The following KCNH8 variants were observed in gnomAD, a reference collection of about 807,000 sequenced individuals.
The protein encoded by KCNH8 is potassium voltage-gated channel subfamily H member 8.
In KCNH8, 70 loss-of-function variants were observed where a neutral mutation model predicts 103.6. The ratio of observed to expected loss-of-function variants is 0.68; its 90% CI spans 0.56 to 0.82. KCNH8 has a LOEUF of 0.82. KCNH8 is among the 40% of genes least tolerant of loss of function. KCNH8 has a pLI of 0.00. For missense variants in KCNH8, 1,217 were observed against 1,329.9 expected (o/e 0.92, Z 1.32); for synonymous variants, 498 against 489.4 (o/e 1.02, Z -0.23).
intron 11 of KCNH8, among the ~76,000 whole-genome samples, chr3:19,492,447 T>G: frequency 6.6e-6 from 1 of 152,192 alleles, no homozygotes; most frequent in Non-Finnish European, 1.5e-5. Context: ...TTCCCATTAC[T>G]TATGTTTGTC....
intron 3 of KCNH8, among the ~76,000 whole-genome samples, chr3:19,329,909 T>A (rs2065481512): frequency 6.6e-6 from 1 of 151,980 alleles, no homozygotes. Context: ...TGTTTCTGAT[T>A]GGCTTTTAGC....
intron 1 of KCNH8, among the ~76,000 whole-genome samples, chr3:19,164,517 A>G (rs2063263445): frequency 6.6e-6 from 1 of 152,234 alleles, no homozygotes; most frequent in Non-Finnish European, 1.5e-5. Flanking sequence ...AAGGTTTAAT[A>G]AATTGTCAAA....
chr3:19,502,528 C>G (rs900675030), intron 11 of KCNH8, among the ~76,000 whole-genome samples: 1 of 152,178 alleles, frequency 6.6e-6, no homozygotes, highest in Non-Finnish European at 1.5e-5. Flanking sequence ...AACTATACTA[C>G]AAGGCTACAG....
chr3:19,236,161 T>C (rs2064062098), intron 1 of KCNH8, among the ~76,000 whole-genome samples: 1 of 152,178 alleles, frequency 6.6e-6, no homozygotes, highest in Non-Finnish European at 1.5e-5. Context: ...ACAGTACCAA[T>C]AAGCAGTGCA....
intron 3 of KCNH8, among the ~76,000 whole-genome samples, chr3:19,320,033 A>G (rs1419696568): frequency 6.6e-6 from 1 of 151,874 alleles, no homozygotes; most frequent in African/African-American, 2.4e-5. Flanking sequence ...TACTGAATTC[A>G]TTTACCTGTT....
intron 8 of KCNH8, among the ~76,000 whole-genome samples, chr3:19,443,904 A>G (rs1336054867): frequency 6.6e-6 from 1 of 152,076 alleles, no homozygotes; most frequent in East Asian, 1.9e-4. Flanking sequence ...AAGGATGTAC[A>G]ATGGTGATGG....
At chr3:19,317,957 T>C (rs1186987562) in intron 3 of KCNH8, among the ~76,000 whole-genome samples, 2 of 151,860 alleles carry the variant, frequency 1.3e-5, no homozygotes, top group African/African-American at 4.8e-5. Flanking sequence ...TTCAACACAG[T>C]ATTAGAAGTT....
intron 3 of KCNH8, among the ~76,000 whole-genome samples, chr3:19,328,221 A>T (rs1205021706): frequency 6.6e-6 from 1 of 152,172 alleles, no homozygotes; most frequent in East Asian, 1.9e-4. Context: ...TGAGTTTGCC[A>T]TGTTATTGCT....
At chr3:19,375,950 G>T (rs557897734) in intron 5 of KCNH8, among the ~76,000 whole-genome samples, 1 of 152,294 alleles carries the variant, frequency 6.6e-6, no homozygotes, top group African/African-American at 2.4e-5. Context: ...GAGGCAGTCT[G>T]CCCGTTCTCA....
At chr3:19,243,696 G>T (rs1022693701) in intron 1 of KCNH8, among the ~76,000 whole-genome samples, 1 of 152,154 alleles carries the variant, frequency 6.6e-6, no homozygotes, top group African/African-American at 2.4e-5. Context: ...AAATTTAAAA[G>T]ACCTATCAGT....
chr3:19,225,874 A>C (rs1235986677), intron 1 of KCNH8, among the ~76,000 whole-genome samples: 1 of 152,242 alleles, frequency 6.6e-6, no homozygotes, highest in African/African-American at 2.4e-5. Context: ...ATTTTCCTCC[A>C]TAAGCTATTT....
At chr3:19,260,967 C>CATATAT (rs138181171) in intron 2 of KCNH8, among the ~76,000 whole-genome samples, 1,720 of 132,086 alleles carry the variant, frequency 0.013, 35 homozygotes, top group East Asian at 0.053. Flanking sequence ...GAATAATATT[C>CATATAT]ATATATATAT....
chr3:19,465,918 T>G (rs2067725382), intron 11 of KCNH8, among the ~76,000 whole-genome samples: 1 of 152,000 alleles, frequency 6.6e-6, no homozygotes, highest in African/African-American at 2.4e-5. Context: ...ATATAAGAAG[T>G]TGCTTCTTTA....
intron 3 of KCNH8, among the ~76,000 whole-genome samples, chr3:19,311,837 C>A (rs1258070481): frequency 6.6e-6 from 1 of 151,896 alleles, no homozygotes. Flanking sequence ...ATCCTTGGAG[C>A]CTTTCTGAGA....
intron 5 of KCNH8, among the ~76,000 whole-genome samples, chr3:19,383,552 T>A (rs2066315948): frequency 6.6e-6 from 1 of 152,126 alleles, no homozygotes; most frequent in South Asian, 2.1e-4. Context: ...ATGTATTTTT[T>A]AATAGAGACG....
At chr3:19,505,212 C>A (rs2068668928) in intron 11 of KCNH8, among the ~76,000 whole-genome samples, 1 of 151,698 alleles carries the variant, frequency 6.6e-6, no homozygotes. Flanking sequence ...GAACAGAAAA[C>A]CAAATGCCAC....
At chr3:19,340,994 C>G (rs922657956) in intron 3 of KCNH8, among the ~76,000 whole-genome samples, 1 of 152,154 alleles carries the variant, frequency 6.6e-6, no homozygotes, top group African/African-American at 2.4e-5. Flanking sequence ...AAGCATGTGA[C>G]TTGAGAGATC....
intron 8 of KCNH8, among the ~76,000 whole-genome samples, chr3:19,447,007 A>C (rs571604358): frequency 1.2e-4 from 19 of 152,096 alleles, no homozygotes; most frequent in African/African-American, 4.3e-4. Context: ...CCAACACACA[A>C]AAAAAGAGAC....
chr3:19,322,267 A>C (rs1017108003), intron 3 of KCNH8, among the ~76,000 whole-genome samples: 1 of 151,146 alleles, frequency 6.6e-6, no homozygotes, highest in Non-Finnish European at 1.5e-5. Context: ...TCATTCTGTT[A>C]TTGTTTTATA....
Sources: gnomAD v4.1 joint callset for allele counts (sites outside exome capture counted in the v4.1 genomes callset) on GRCh38, gnomAD v4.1.1 for gene constraint, MANE v1.5 for transcripts, NCBI Gene and HGNC (gene_info 2026-07-23, HGNC 2026-07-21) for gene names.